LRMDA: variants seen among roughly 807,000 people sequenced by gnomAD.
LRMDA encodes leucine-rich melanocyte differentiation-associated protein.
Under a neutral mutation model 29.8 loss-of-function variants are expected in LRMDA, and 18 were observed. The ratio of observed to expected loss-of-function variants is 0.60; its 90% CI spans 0.42 to 0.90. The LOEUF is 0.90. Ranked by LOEUF, LRMDA falls within the 40% of genes least tolerant of loss-of-function variation. The pLI is 0.00. For synonymous variants in LRMDA, 125 were observed against 109.4 expected (o/e 1.14, Z -0.89); for missense variants, 273 against 273.9 (o/e 1.00, Z 0.02).
intron 2 of LRMDA, among the ~76,000 whole-genome samples, chr10:75,728,427 T>C (rs1407026612): frequency 4.7e-5 from 1 of 21,192 alleles, no homozygotes; most frequent in African/African-American, 3.6e-4. Flanking sequence ...TACGTGGCTC[T>C]GTGTGTGTGT....
chr10:76,386,313 T>C (rs1841659069), intron 6 of LRMDA, among the ~76,000 whole-genome samples: 1 of 152,212 alleles, frequency 6.6e-6, no homozygotes, highest in African/African-American at 2.4e-5. Flanking sequence ...AATCCAAAGC[T>C]AGAAATTCTG....
At chr10:76,165,598 G>A (rs1850725251) in intron 5 of LRMDA, among the ~76,000 whole-genome samples, 1 of 152,224 alleles carries the variant, frequency 6.6e-6, no homozygotes, top group South Asian at 2.1e-4. Flanking sequence ...TTGACTCACA[G>A]TTCCTCATTG....
At chr10:75,591,499 G>T (rs1055636471) in intron 2 of LRMDA, among the ~76,000 whole-genome samples, 2 of 152,268 alleles carry the variant, frequency 1.3e-5, no homozygotes, top group Admixed American at 1.3e-4. Flanking sequence ...TTTATTTTAG[G>T]TCATGAGCAG....
chr10:75,528,961 C>T (rs921722274), intron 2 of LRMDA, among the ~76,000 whole-genome samples: 1 of 151,784 alleles, frequency 6.6e-6, no homozygotes, highest in African/African-American at 2.4e-5. Flanking sequence ...GTACAGGAGG[C>T]AATTTTCTTA....
chr10:75,440,032 C>A (rs1844310074), intron 2 of LRMDA, among the ~76,000 whole-genome samples: 1 of 151,386 alleles, frequency 6.6e-6, no homozygotes, highest in African/African-American at 2.4e-5. Flanking sequence ...CGTGAGGGAG[C>A]ATCAGTGCAT....
At chr10:76,249,799 A>G (rs1447848591) in intron 5 of LRMDA, among the ~76,000 whole-genome samples, 3 of 152,062 alleles carry the variant, frequency 2.0e-5, no homozygotes, top group Non-Finnish European at 4.4e-5. Context: ...CAAATTATTT[A>G]TTTATGTATT....
chr10:76,169,972 A>T (rs1850806023), intron 5 of LRMDA, among the ~76,000 whole-genome samples: 1 of 152,084 alleles, frequency 6.6e-6, no homozygotes, highest in African/African-American at 2.4e-5. Flanking sequence ...GATGATGGCC[A>T]TTTCTCCAGT....
At chr10:75,762,342 A>G (rs1843107802) in intron 2 of LRMDA, among the ~76,000 whole-genome samples, 1 of 152,244 alleles carries the variant, frequency 6.6e-6, no homozygotes, top group Non-Finnish European at 1.5e-5. Flanking sequence ...AACTTTGTGA[A>G]AACATTATGA....
chr10:76,486,239 A>G (rs1842781093), intron 6 of LRMDA, among the ~76,000 whole-genome samples: 1 of 151,916 alleles, frequency 6.6e-6, no homozygotes, highest in Non-Finnish European at 1.5e-5. Context: ...TCCATACCGC[A>G]AGTTCTGTTT....
At chr10:75,714,645 C>G (rs1043673217) in intron 2 of LRMDA, among the ~76,000 whole-genome samples, 1 of 152,186 alleles carries the variant, frequency 6.6e-6, no homozygotes, top group Non-Finnish European at 1.5e-5. Flanking sequence ...CTCTGTCAGT[C>G]TCATGCTGTT....
chr10:75,631,711 G>A (rs571786956), intron 2 of LRMDA, among the ~76,000 whole-genome samples: 2 of 152,234 alleles, frequency 1.3e-5, no homozygotes, highest in South Asian at 2.1e-4. Flanking sequence ...AGTGAAGTGG[G>A]CCTTCTTTGA....
intron 5 of LRMDA, among the ~76,000 whole-genome samples, chr10:76,084,364 A>AT (rs71024586): frequency 0.081 from 5,713 of 70,814 alleles, 779 homozygotes; most frequent in Non-Finnish European, 0.11. Flanking sequence ...CGCCCAGCTA[A>AT]TTTTTTTTTT....
At chr10:75,932,906 C>T (rs963382569) in intron 2 of LRMDA, among the ~76,000 whole-genome samples, 1 of 152,034 alleles carries the variant, frequency 6.6e-6, no homozygotes, top group African/African-American at 2.4e-5. Flanking sequence ...ACATAATCAA[C>T]CAAAAATGCT....
intron 5 of LRMDA, among the ~76,000 whole-genome samples, chr10:76,075,807 G>C (rs1848947158): frequency 6.6e-6 from 1 of 152,160 alleles, no homozygotes; most frequent in African/African-American, 2.4e-5. Flanking sequence ...TAGGGGTCCA[G>C]TATCTGGCCT....
chr10:76,544,844 G>A (rs1843400673), intron 6 of LRMDA, among the ~76,000 whole-genome samples: 1 of 152,132 alleles, frequency 6.6e-6, no homozygotes, highest in Non-Finnish European at 1.5e-5. Flanking sequence ...ATGAGCTAGT[G>A]TCCAAGAATT....
intron 2 of LRMDA, among the ~76,000 whole-genome samples, chr10:75,638,644 G>A (rs1344851795): frequency 6.6e-6 from 1 of 152,190 alleles, no homozygotes; most frequent in East Asian, 1.9e-4. Flanking sequence ...TATGATCAAT[G>A]TTGTGACCTT....
intron 2 of LRMDA, among the ~76,000 whole-genome samples, chr10:76,013,084 A>C (rs1241108205): frequency 6.6e-6 from 1 of 152,204 alleles, no homozygotes; most frequent in African/African-American, 2.4e-5. Flanking sequence ...TAATTACCTC[A>C]GCAGAAAATG....
At chr10:75,632,787 T>G (rs1282116667) in intron 2 of LRMDA, among the ~76,000 whole-genome samples, 14 of 133,972 alleles carry the variant, frequency 1.0e-4, no homozygotes, top group African/African-American at 3.5e-4. Flanking sequence ...GTTTAGTTTT[T>G]TTTTTTTTTT....
chr10:76,138,625 A>T (rs1356663007), intron 5 of LRMDA, among the ~76,000 whole-genome samples: 1 of 152,172 alleles, frequency 6.6e-6, no homozygotes, highest in African/African-American at 2.4e-5. Context: ...ACAGTTTTCC[A>T]TAAGGAATTG....
Sources: gnomAD v4.1 joint callset for allele counts (sites outside exome capture counted in the v4.1 genomes callset) on GRCh38, gnomAD v4.1.1 for gene constraint, MANE v1.5 for transcripts, NCBI Gene and HGNC (gene_info 2026-07-23, HGNC 2026-07-21) for gene names.